ZNF385D: variants seen among roughly 807,000 people sequenced by gnomAD.
ZNF385D encodes zinc finger protein 659.
In ZNF385D, 15 loss-of-function variants were observed where a neutral mutation model predicts 35.8. The ratio of observed to expected loss-of-function variants is 0.42; its 90% confidence interval spans 0.28 to 0.64. The LOEUF (loss-of-function observed/expected upper bound fraction) is 0.64, where lower values mean the gene tolerates loss of function less well. Among genes scored for constraint, ZNF385D ranks in the 30% least tolerant of loss-of-function variants. ZNF385D has a pLI of 0.23. For synonymous variants in ZNF385D, 212 were observed against 186.8 expected (o/e 1.13, Z -1.10); for missense variants, 474 against 494.6 (o/e 0.96, Z 0.39).
At chr3:22,089,836 TTTTTA>T (rs1288564236) in intron 3 of ZNF385D, among the ~76,000 whole-genome samples, 25 of 152,210 alleles carry the variant, frequency 1.6e-4, no homozygotes, top group African/African-American at 5.5e-4. Context: ...AATTAACAAT[TTTTTA>T]TTTTATTTTA....
intron 1 of ZNF385D, among the ~76,000 whole-genome samples, chr3:21,679,759 AAAT>A (rs2066842071): frequency 6.6e-6 from 1 of 152,030 alleles, no homozygotes. Flanking sequence ...CAATTTGGAG[AAAT>A]AATTATATCC....
chr3:22,238,261 G>C (rs996507512), intron 2 of ZNF385D, among the ~76,000 whole-genome samples: 3 of 150,820 alleles, frequency 2.0e-5, no homozygotes, highest in Non-Finnish European at 4.4e-5. Flanking sequence ...TTGCTTTTTT[G>C]GTTTTTCTTT....
intron 2 of ZNF385D, among the ~76,000 whole-genome samples, chr3:21,651,165 G>A (rs2065901215): frequency 6.6e-6 from 1 of 151,022 alleles, no homozygotes; most frequent in African/African-American, 2.4e-5. Flanking sequence ...GCGGGCGCCT[G>A]TAGTCCCAGC....
intron 2 of ZNF385D, among the ~76,000 whole-genome samples, chr3:22,175,034 T>C (rs1320260705): frequency 2.0e-5 from 3 of 152,008 alleles, no homozygotes; most frequent in Admixed American, 6.6e-5. Flanking sequence ...GTTCTTAAAA[T>C]TGCTTTATTA....
At chr3:21,733,466 A>T (rs990932017) in intron 1 of ZNF385D, among the ~76,000 whole-genome samples, 3 of 152,090 alleles carry the variant, frequency 2.0e-5, no homozygotes, top group Non-Finnish European at 4.4e-5. Flanking sequence ...ATTGATTCTT[A>T]TAAGCTCTTT....
intron 3 of ZNF385D, among the ~76,000 whole-genome samples, chr3:21,519,574 G>T (rs1336514973): frequency 6.6e-6 from 1 of 152,156 alleles, no homozygotes; most frequent in Non-Finnish European, 1.5e-5. Context: ...CCTGATTGAG[G>T]AACAGAGGAT....
chr3:22,315,036 G>C (rs1260532635), intron 2 of ZNF385D, among the ~76,000 whole-genome samples: 1 of 152,098 alleles, frequency 6.6e-6, no homozygotes, highest in Non-Finnish European at 1.5e-5. Flanking sequence ...GATGAAGGCT[G>C]AATTGAGTAA....
intron 4 of ZNF385D, among the ~76,000 whole-genome samples, chr3:21,461,201 T>G (rs1225523745): frequency 1.3e-5 from 2 of 152,204 alleles, no homozygotes; most frequent in African/African-American, 4.8e-5. Flanking sequence ...TTTTGAAGTT[T>G]GATTTTTGTT....
intron 4 of ZNF385D, among the ~76,000 whole-genome samples, chr3:21,509,299 C>A (rs1707023074): frequency 6.6e-6 from 1 of 152,142 alleles, no homozygotes; most frequent in South Asian, 2.1e-4. Context: ...CTACTGCCTT[C>A]TTTGCATCAA....
chr3:21,434,884 G>T (rs950754093), intron 5 of ZNF385D, among the ~76,000 whole-genome samples: 3 of 152,064 alleles, frequency 2.0e-5, no homozygotes, highest in Non-Finnish European at 1.5e-5. Context: ...CACCGATTAG[G>T]CCTAAGGTTC....
At chr3:21,676,745 C>A (rs1456321008) in intron 1 of ZNF385D, among the ~76,000 whole-genome samples, 1 of 151,856 alleles carries the variant, frequency 6.6e-6, no homozygotes, top group Non-Finnish European at 1.5e-5. Context: ...AATGGTAGAG[C>A]TAGGTAGAAT....
intron 3 of ZNF385D, among the ~76,000 whole-genome samples, chr3:22,159,749 A>T (rs1227085600): frequency 6.6e-6 from 1 of 152,146 alleles, no homozygotes; most frequent in Admixed American, 6.6e-5. Flanking sequence ...ATAAAAAAGG[A>T]ATTTACTTCA....
intron 3 of ZNF385D, among the ~76,000 whole-genome samples, chr3:21,770,810 C>T (rs1007075907): frequency 3.3e-5 from 5 of 152,048 alleles, no homozygotes; most frequent in Middle Eastern, 3.4e-3. Context: ...TGCGGTACTA[C>T]TCACAATAGC....
At chr3:21,441,754 G>T (rs1288188865) in intron 4 of ZNF385D, 25 of 985,020 alleles carry the variant, frequency 2.5e-5, no homozygotes, top group Non-Finnish European at 3.0e-5. Context: ...TGCAAAAGAT[G>T]AGAAAGTAGG....
At chr3:22,017,615 T>C (rs1246009393) in intron 3 of ZNF385D, among the ~76,000 whole-genome samples, 1 of 152,014 alleles carries the variant, frequency 6.6e-6, no homozygotes, top group African/African-American at 2.4e-5. Context: ...ATCCATTTTT[T>C]CCTTACTGGG....
chr3:22,197,733 C>G (rs1696515807), intron 2 of ZNF385D, among the ~76,000 whole-genome samples: 1 of 152,090 alleles, frequency 6.6e-6, no homozygotes, highest in African/African-American at 2.4e-5. Context: ...CCCCTGCATT[C>G]TGTTCAGATT....
chr3:22,004,246 G>C (rs4527404), intron 3 of ZNF385D, among the ~76,000 whole-genome samples: 59,381 of 151,940 alleles, frequency 0.39, 11,882 homozygotes, highest in Non-Finnish European at 0.42. Flanking sequence ...GACATCCATA[G>C]GCAGAAGACC....
chr3:22,320,227 T>C (rs1013091074), intron 2 of ZNF385D, among the ~76,000 whole-genome samples: 2 of 152,094 alleles, frequency 1.3e-5, no homozygotes, highest in Admixed American at 6.6e-5. Context: ...CTAAAGGTCA[T>C]TGAGGTTTAT....
chr3:22,103,584 C>T (rs1702051605), intron 3 of ZNF385D, among the ~76,000 whole-genome samples: 1 of 152,022 alleles, frequency 6.6e-6, no homozygotes, highest in Non-Finnish European at 1.5e-5. Flanking sequence ...GTCTGGAGAA[C>T]CAACATAATG....
Sources: gnomAD v4.1 joint callset for allele counts (sites outside exome capture counted in the v4.1 genomes callset) on GRCh38, gnomAD v4.1.1 for gene constraint, MANE v1.5 for transcripts, NCBI Gene and HGNC (gene_info 2026-07-23, HGNC 2026-07-21) for gene names.